The following SHC4 variants were observed in gnomAD, a reference collection of about 807,000 sequenced individuals.
SHC4 encodes SHC-transforming protein 4.
Under a neutral mutation model 69.4 loss-of-function variants are expected in SHC4, and 41 were observed. The ratio of observed to expected loss-of-function variants is 0.59; its 90% confidence interval spans 0.46 to 0.77. SHC4 has a LOEUF of 0.77. SHC4 is among the 30% of genes least tolerant of loss of function. The probability of loss-of-function intolerance (pLI) is 0.00; values close to 1 mark genes in which losing one functional copy is unlikely to be tolerated. For synonymous variants in SHC4, 318 were observed against 299.3 expected (o/e 1.06, Z -0.64); for missense variants, 777 against 783.8 (o/e 0.99, Z 0.10).
At chr15:48,908,566 C>A (rs1234757081) in intron 2 of SHC4, among the ~76,000 whole-genome samples, 1 of 152,102 alleles carries the variant, frequency 6.6e-6, no homozygotes, top group African/African-American at 2.4e-5. Flanking sequence ...TAGGTCCCAG[C>A]TATTTATCTT....
chr15:48,871,352 C>T (rs965704423), intron 5 of SHC4, among the ~76,000 whole-genome samples: 3 of 152,080 alleles, frequency 2.0e-5, no homozygotes, highest in African/African-American at 7.2e-5. Flanking sequence ...ATAAAAAGAC[C>T]AATAATGTCA....
chr15:48,914,518 G>A (rs1017901537), intron 2 of SHC4, among the ~76,000 whole-genome samples: 8 of 152,174 alleles, frequency 5.3e-5, no homozygotes, highest in Non-Finnish European at 8.8e-5. Flanking sequence ...CTCTGCCAGT[G>A]TGGCTTTTGG....
intron 2 of SHC4, among the ~76,000 whole-genome samples, chr15:48,916,576 A>C (rs1900626498): frequency 7.1e-6 from 1 of 141,216 alleles, no homozygotes; most frequent in East Asian, 2.1e-4. Flanking sequence ...AAAAAAAAAC[A>C]CTACTCAGGG....
In SHC4 at chr15:48,950,075, CAT is replaced by C. The variant is rs1309867538; in HGVS notation, c.585+12354_585+12355del. Among the ~76,000 whole-genome samples, 8 of 129,122 alleles carry C rather than the reference CAT, an allele frequency of 6.2e-5. No individual in the cohort carries two copies. In the South Asian group the frequency reaches 9.2e-4, roughly 15 times the overall value. 84.7% of individuals were successfully genotyped at this position (129,122 alleles called of 152,430 possible). On this transcript the variant is annotated intron_variant, in intron 1 of 11. Transcript: ENST00000332408. ...AATATATTTATTAACATACAATAAACATATAAAATATATTTTTATAATATAGT... is the reference window on the plus strand; with the variant it reads ...AATATATTTATTAACATACAATAAACATAAAATATATTTTTATAATATAGT...
rs1039582546 is a variant in SHC4 at position 48,927,553 on chromosome 15, C to A, written c.586-2604G>T. ...GATCGTGTTCCTCCACCACATGAAA[C>A]CCCTGGCATCTATGATCAAAACAAT... is the stretch of plus-strand genomic sequence containing the variant. On this transcript the variant is annotated intron_variant, in intron 1 of 11. Coordinates refer to ENST00000332408, the MANE Select transcript of SHC4 (RefSeq NM_203349.4). Among the ~76,000 whole-genome samples the A allele has an allele frequency of 2.0e-5, 3 of 152,288 alleles. No individual in the cohort carries two copies. In the East Asian group the frequency reaches 5.8e-4, roughly 29 times the overall value.
intron 9 of SHC4, 47 bp downstream of exon 9, chr15:48,851,141 T>TA (rs1186913105): frequency 3.1e-6 from 5 of 1,590,152 alleles, no homozygotes; most frequent in Non-Finnish European, 4.3e-6. Context: ...CCATAGGACT[T>TA]ACAAGGAATA....
At chr15:48,898,542 C>T (rs962496406) in intron 2 of SHC4, among the ~76,000 whole-genome samples, 2 of 152,188 alleles carry the variant, frequency 1.3e-5, no homozygotes, top group Non-Finnish European at 2.9e-5. Flanking sequence ...TTCTAAAGTA[C>T]ATTTGCTAGC....
intron 8 of SHC4, among the ~76,000 whole-genome samples, chr15:48,854,593 T>C (rs1899276187): frequency 1.3e-5 from 2 of 152,064 alleles, no homozygotes; most frequent in African/African-American, 4.8e-5. Flanking sequence ...GTGGATTGGA[T>C]AAAGAGAATG....
intron 10 of SHC4, among the ~76,000 whole-genome samples, chr15:48,837,126 A>G (rs16961695): frequency 0.043 from 6,500 of 152,252 alleles, 380 homozygotes; most frequent in African/African-American, 0.13. Flanking sequence ...CTTTTGGTCT[A>G]TTCTGAGATT....
In SHC4 at chr15:48,834,946, C is replaced by T. The variant is rs754211484; in HGVS notation, c.1560G>A (p.Gln520=). Residue 520 remains glutamine (Q), a synonymous_variant, in exon 11 of 12, where the codon CAG becomes CAA. Coordinates refer to ENST00000332408, the MANE Select transcript of SHC4 (RefSeq NM_203349.4). ...CATGATAGCATTCTTCGCTCCACAG[C>T]TGCTGCTTAATGTGTGGCAAAGAAT... ...SSHSLPHIKQ[Q]LWSEECYHGK... 42 of 1,613,736 alleles carry T rather than the reference C, an allele frequency of 2.6e-5. No individual in the cohort carries two copies. The East Asian group carries it at 9.4e-4, about 36-fold the overall frequency.
intron 2 of SHC4, among the ~76,000 whole-genome samples, chr15:48,915,953 G>T (rs191821333): frequency 7.5e-4 from 114 of 152,100 alleles, no homozygotes; most frequent in Non-Finnish European, 9.1e-4. Flanking sequence ...ATGACAAGTG[G>T]CTGCAATCCT....
intron 6 of SHC4, among the ~76,000 whole-genome samples, chr15:48,866,028 A>G (rs891697160): frequency 1.1e-4 from 17 of 152,240 alleles, no homozygotes; most frequent in South Asian, 4.1e-4. Flanking sequence ...TGACATGCCC[A>G]GAGATATTCT....
rs769256940 is a variant in SHC4, at chr15:48,856,144, C to T, written c.1071-20G>A. 1 of 1,600,130 alleles carries T rather than the reference C, an allele frequency of 6.2e-7. No homozygotes were observed. Among genetic ancestry groups the T allele is most frequent in the Non-Finnish European group, 8.5e-7 (1 of 1,172,846 alleles). On this transcript the variant is annotated intron_variant, in intron 7 of 11. Transcript: ENST00000332408. ...TCCTCACTGTGAAGGAAAAAAGAAT[C>T]CTCAAGAGGCTGGGCGAAAATTCAA... is the stretch of plus-strand genomic sequence containing the variant.
At chr15:48,851,101 G>T in intron 9 of SHC4, 87 bp downstream of exon 9, 1 of 1,306,174 alleles carries the variant, frequency 7.7e-7, no homozygotes, top group Non-Finnish European at 1.1e-6. Context: ...ACTTTTCAAT[G>T]AAGTATTTAA....
chr15:48,851,549 C>T (rs1389638683), intron 8 of SHC4, among the ~76,000 whole-genome samples: 1 of 152,094 alleles, frequency 6.6e-6, no homozygotes, highest in Non-Finnish European at 1.5e-5. Flanking sequence ...GAACTCAATC[C>T]AAGTCTCAGC....
chr15:48,922,837 G>A (rs1050032553), intron 2 of SHC4, among the ~76,000 whole-genome samples: 3 of 148,390 alleles, frequency 2.0e-5, no homozygotes, highest in Admixed American at 6.9e-5. Context: ...CCTGAAATAT[G>A]TCCATCAAAG....
At chr15:48,962,338 C>A (rs1328111027) in intron 1 of SHC4, 93 bp downstream of exon 1, 15 of 1,322,664 alleles carry the variant, frequency 1.1e-5, no homozygotes, top group Non-Finnish European at 1.5e-5. Context: ...AAACACAGAA[C>A]CCAGGCAGGT....
intron 5 of SHC4, among the ~76,000 whole-genome samples, chr15:48,868,786 G>T (rs373278301): frequency 2.0e-5 from 3 of 152,152 alleles, no homozygotes; most frequent in African/African-American, 4.8e-5. Context: ...AGCATAACTC[G>T]TCTTGGGCAA....
chr15:48,951,431 A>G (rs1277190675), intron 1 of SHC4, among the ~76,000 whole-genome samples: 1 of 152,060 alleles, frequency 6.6e-6, no homozygotes, highest in African/African-American at 2.4e-5. Context: ...TGAGCATTGC[A>G]GCCCATGTAA....
Sources: gnomAD v4.1 joint callset for allele counts (sites outside exome capture counted in the v4.1 genomes callset) on GRCh38, gnomAD v4.1.1 for gene constraint, MANE v1.5 for transcripts, NCBI Gene and HGNC (gene_info 2026-07-23, HGNC 2026-07-21) for gene names.